The following SUPT3H variants were observed in gnomAD, a reference collection of about 807,000 sequenced individuals.
The protein encoded by SUPT3H is transcription initiation protein SPT3 homolog.
SUPT3H carries 44 observed loss-of-function variants against 44.3 expected under a neutral mutation model. The observed-to-expected ratio is 0.99, with a 90% CI of 0.78 to 1.28. The LOEUF is 1.28. Ranked by LOEUF, SUPT3H falls within the 50% of genes most tolerant of loss-of-function variation. SUPT3H has a pLI of 0.00. For synonymous variants in SUPT3H, 124 were observed against 125.6 expected (o/e 0.99, Z 0.09); for missense variants, 380 against 387.1 (o/e 0.98, Z 0.15).
intron 10 of SUPT3H, among the ~76,000 whole-genome samples, chr6:44,852,923 G>A (rs1773119453): frequency 6.6e-6 from 1 of 152,140 alleles, no homozygotes; most frequent in Non-Finnish European, 1.5e-5. Context: ...TCTTGCAGGA[G>A]GTTCCAGTCT....
chr6:45,256,884 T>C (rs573965283), intron 2 of SUPT3H, among the ~76,000 whole-genome samples: 20 of 152,326 alleles, frequency 1.3e-4, no homozygotes, highest in Middle Eastern at 3.4e-3. Flanking sequence ...TTATGAATAA[T>C]GTTGCTATAA....
intron 7 of SUPT3H, among the ~76,000 whole-genome samples, chr6:44,959,850 T>G (rs1045252004): frequency 2.6e-5 from 4 of 152,132 alleles, no homozygotes; most frequent in Admixed American, 2.6e-4. Flanking sequence ...TCTTGGTAAT[T>G]TATTAGAAGG....
intron 2 of SUPT3H, among the ~76,000 whole-genome samples, chr6:45,245,404 T>A (rs1261862715): frequency 1.3e-5 from 2 of 152,058 alleles, no homozygotes; most frequent in Admixed American, 1.3e-4. Context: ...AAATTTTCTA[T>A]CATACCAAGC....
intron 2 of SUPT3H, among the ~76,000 whole-genome samples, chr6:45,209,194 C>T (rs777167103): frequency 2.0e-5 from 3 of 152,196 alleles, no homozygotes; most frequent in Non-Finnish European, 4.4e-5. Flanking sequence ...ATGTTGTTTT[C>T]ATGCCTGCTA....
chr6:45,214,734 A>G (rs1764743948), intron 2 of SUPT3H, among the ~76,000 whole-genome samples: 1 of 152,092 alleles, frequency 6.6e-6, no homozygotes, highest in Non-Finnish European at 1.5e-5. Context: ...TTGTAGTCCC[A>G]TTTACTCGGG....
At chr6:44,839,096 A>T (rs1432136573) in intron 10 of SUPT3H, among the ~76,000 whole-genome samples, 1 of 152,120 alleles carries the variant, frequency 6.6e-6, no homozygotes, top group Admixed American at 6.5e-5. Flanking sequence ...CCCAAGTCAG[A>T]TATATTATTT....
intron 2 of SUPT3H, among the ~76,000 whole-genome samples, chr6:45,180,569 C>A (rs1463197676): frequency 4.0e-5 from 6 of 150,736 alleles, no homozygotes; most frequent in Non-Finnish European, 5.9e-5. Flanking sequence ...CACCGCATAT[C>A]TACAACTATC....
chr6:45,026,358 A>G (rs891484671), intron 3 of SUPT3H, among the ~76,000 whole-genome samples: 3 of 152,166 alleles, frequency 2.0e-5, no homozygotes, highest in Admixed American at 2.0e-4. Flanking sequence ...GATACATCAA[A>G]TAAGTTCTCT....
At chr6:45,322,181 C>T (rs756104952) in intron 2 of SUPT3H, among the ~76,000 whole-genome samples, 1 of 151,798 alleles carries the variant, frequency 6.6e-6, no homozygotes, top group Non-Finnish European at 1.5e-5. Context: ...CATATTCAAA[C>T]AATTTTATAG....
rs898046557 is a variant in SUPT3H, at chr6:45,377,863, A to T, written c.-96T>A. 6.5e-6 allele frequency: 1 copy of T among 153,464 alleles called. No homozygotes were observed. The highest frequency in any genetic ancestry group is 1.4e-5 in the Non-Finnish European group (1 of 69,166). The allele number at this position is 153,464 out of a possible 1,614,324, so 9.5% of individuals were successfully genotyped here. ...GGTTTCTGCTGCTGCGGCCCGGGAC[A>T]CGCTTGGAAAGGGGCGGGGTGGGGG... is the stretch of plus-strand genomic sequence containing the variant. On this transcript the variant is annotated 5_prime_UTR_variant, in exon 1 of 11. Coordinates refer to ENST00000371459, the MANE Select transcript of SUPT3H (RefSeq NM_003599.4).
chr6:45,241,440 G>GA (rs1420110455), intron 2 of SUPT3H, among the ~76,000 whole-genome samples: 1 of 152,170 alleles, frequency 6.6e-6, no homozygotes, highest in Non-Finnish European at 1.5e-5. Context: ...TCTGCTGCAG[G>GA]AAACTAGCCA....
intron 10 of SUPT3H, among the ~76,000 whole-genome samples, chr6:44,928,372 T>A (rs1360864983): frequency 6.6e-6 from 1 of 152,158 alleles, no homozygotes; most frequent in East Asian, 1.9e-4. Flanking sequence ...AATTAGTTTC[T>A]CTAAAGGTTC....
intron 2 of SUPT3H, among the ~76,000 whole-genome samples, chr6:45,286,346 A>T (rs1779267715): frequency 6.6e-6 from 1 of 152,212 alleles, no homozygotes; most frequent in Non-Finnish European, 1.5e-5. Context: ...CAATCTACTC[A>T]TCTGACAAAG....
intron 5 of SUPT3H, among the ~76,000 whole-genome samples, chr6:45,004,856 T>C (rs1349783575): frequency 1.3e-5 from 2 of 152,208 alleles, no homozygotes; most frequent in African/African-American, 4.8e-5. Context: ...CCAAGTCAAC[T>C]GGTACAGCCC....
intron 3 of SUPT3H, among the ~76,000 whole-genome samples, chr6:45,102,605 TAC>T (rs1483465014): frequency 6.6e-6 from 1 of 152,146 alleles, no homozygotes; most frequent in Non-Finnish European, 1.5e-5. Flanking sequence ...TCCAATGTGG[TAC>T]AGTTACTGAA....
intron 2 of SUPT3H, among the ~76,000 whole-genome samples, chr6:45,190,369 A>C (rs568941593): frequency 6.6e-6 from 1 of 152,284 alleles, no homozygotes; most frequent in South Asian, 2.1e-4. Context: ...AGTGGTTTCA[A>C]TGCAAAGCTT....
chr6:45,373,545 T>TTGTGTG (rs368652949), intron 1 of SUPT3H, among the ~76,000 whole-genome samples: 8 of 150,192 alleles, frequency 5.3e-5, no homozygotes, highest in African/African-American at 9.8e-5. Context: ...AAAATATTAT[T>TTGTGTG]TGTGTGTGTG....
chr6:45,013,643 A>G (rs1434298265), intron 5 of SUPT3H, among the ~76,000 whole-genome samples: 1 of 152,076 alleles, frequency 6.6e-6, no homozygotes, highest in East Asian at 1.9e-4. Flanking sequence ...TGTCTGAGGT[A>G]GAGCTTTTAT....
intron 11 of SUPT3H, among the ~76,000 whole-genome samples, chr6:44,809,808 T>C (rs1766389186): frequency 6.6e-6 from 1 of 152,212 alleles, no homozygotes; most frequent in Non-Finnish European, 1.5e-5. Flanking sequence ...TAAAGTCATC[T>C]AGTAGAACTT....
Sources: gnomAD v4.1 joint callset for allele counts (sites outside exome capture counted in the v4.1 genomes callset) on GRCh38, gnomAD v4.1.1 for gene constraint, MANE v1.5 for transcripts, NCBI Gene and HGNC (gene_info 2026-07-23, HGNC 2026-07-21) for gene names.